The following WWOX variants were observed in gnomAD, a reference collection of about 807,000 sequenced individuals.
WWOX encodes the protein WW domain containing oxidoreductase.
In WWOX, 69 loss-of-function variants were observed where a neutral mutation model predicts 46.2. The observed-to-expected ratio is 1.49, with a 90% CI of 1.23 to 1.82. The LOEUF (loss-of-function observed/expected upper bound fraction) is 1.82, where lower values mean the gene tolerates loss of function less well. Ranked by LOEUF, WWOX falls within the 40% of genes most tolerant of loss-of-function variation. The pLI is 0.00. For missense variants in WWOX, 919 were observed against 542.6 expected (o/e 1.69, Z -6.89); for synonymous variants, 359 against 202.6 (o/e 1.77, Z -6.56).
At chr16:78,826,789 G>GT (rs2051669865) in intron 8 of WWOX, among the ~76,000 whole-genome samples, 1 of 152,100 alleles carries the variant, frequency 6.6e-6, no homozygotes, top group Non-Finnish European at 1.5e-5. Context: ...GAGGTTTGAG[G>GT]GGTGGTATGA....
intron 8 of WWOX, among the ~76,000 whole-genome samples, chr16:79,154,790 C>T (rs2050348921): frequency 6.6e-6 from 1 of 152,112 alleles, no homozygotes; most frequent in South Asian, 2.1e-4. Context: ...TTTTTTAGGT[C>T]CTCATGAACC....
At chr16:78,900,522 T>C (rs1431141354) in intron 8 of WWOX, among the ~76,000 whole-genome samples, 2 of 152,208 alleles carry the variant, frequency 1.3e-5, no homozygotes, top group African/African-American at 4.8e-5. Context: ...CCTATTCACA[T>C]AAGAATTTTC....
intron 8 of WWOX, among the ~76,000 whole-genome samples, chr16:78,816,502 CTTTTTTTTTTTTTTTTTT>C (rs55814418): frequency 2.4e-5 from 1 of 42,066 alleles, no homozygotes; most frequent in Admixed American, 4.4e-4. Flanking sequence ...AGGAGCCACT[CTTTTTTTTTTTTTTTTTT>C]TTTTTTTTTT....
intron 8 of WWOX, among the ~76,000 whole-genome samples, chr16:79,163,744 C>G (rs2050533221): frequency 7.1e-6 from 1 of 141,806 alleles, no homozygotes; most frequent in Non-Finnish European, 1.5e-5. Flanking sequence ...TTGCAGTGAG[C>G]TGAGATCGTG....
At chr16:78,781,540 C>T (rs541816874) in intron 8 of WWOX, among the ~76,000 whole-genome samples, 32 of 152,282 alleles carry the variant, frequency 2.1e-4, no homozygotes, top group African/African-American at 7.5e-4. Flanking sequence ...GGGTTAATAC[C>T]TGTTGCTTTT....
intron 8 of WWOX, among the ~76,000 whole-genome samples, chr16:78,828,935 T>C (rs79654650): frequency 0.065 from 9,857 of 152,272 alleles, 476 homozygotes; most frequent in Non-Finnish European, 0.099. Context: ...TAATCAAAAC[T>C]TATAGAGGTT....
chr16:78,858,080 T>G (rs1341733391), intron 8 of WWOX, among the ~76,000 whole-genome samples: 1 of 151,948 alleles, frequency 6.6e-6, no homozygotes, highest in Non-Finnish European at 1.5e-5. Context: ...TTAAATACTC[T>G]ATAGCAAAAA....
At chr16:78,400,230 G>A (rs2082379556) in intron 6 of WWOX, among the ~76,000 whole-genome samples, 1 of 152,146 alleles carries the variant, frequency 6.6e-6, no homozygotes, top group South Asian at 2.1e-4. Context: ...AAAAACAGGA[G>A]GAAAAGGTCT....
intron 8 of WWOX, among the ~76,000 whole-genome samples, chr16:78,999,238 A>G (rs1015091647): frequency 3.9e-5 from 6 of 152,134 alleles, no homozygotes; most frequent in African/African-American, 1.4e-4. Context: ...TGGGAGGCCA[A>G]TGCAGGCGGA....
intron 8 of WWOX, among the ~76,000 whole-genome samples, chr16:78,573,413 T>C (rs1567654000): frequency 6.6e-6 from 1 of 152,262 alleles, no homozygotes; most frequent in Non-Finnish European, 1.5e-5. Flanking sequence ...TGAGATTTTA[T>C]GTGATGAAAA....
chr16:79,189,611 T>C (rs758984182), intron 8 of WWOX, among the ~76,000 whole-genome samples: 3 of 152,062 alleles, frequency 2.0e-5, no homozygotes, highest in Non-Finnish European at 4.4e-5. Context: ...TAGGAAAGCA[T>C]ATTTTTGAGG....
At chr16:78,390,740 C>A (rs906822146) in intron 6 of WWOX, among the ~76,000 whole-genome samples, 2 of 152,170 alleles carry the variant, frequency 1.3e-5, no homozygotes, top group Admixed American at 1.3e-4. Context: ...ACACATGTAA[C>A]TCTATTCTTA....
chr16:78,408,734 A>G (rs11150076), intron 6 of WWOX, among the ~76,000 whole-genome samples: 41,078 of 152,056 alleles, frequency 0.27, 10,974 homozygotes, highest in African/African-American at 0.69. Context: ...ATTTGCAGAT[A>G]AAGAGCAAGG....
intron 8 of WWOX, among the ~76,000 whole-genome samples, chr16:78,884,165 G>A (rs756391892): frequency 3.3e-5 from 5 of 151,152 alleles, no homozygotes; most frequent in African/African-American, 7.3e-5. Flanking sequence ...CTAGTTACTC[G>A]GGAGGCTGAA....
chr16:78,429,395 C>G (rs1479189595), intron 7 of WWOX, among the ~76,000 whole-genome samples: 1 of 152,162 alleles, frequency 6.6e-6, no homozygotes, highest in Non-Finnish European at 1.5e-5. Flanking sequence ...TTCATTCTCT[C>G]CCTGACTTCC....
At chr16:78,115,296 C>G in intron 4 of WWOX, 142 bp downstream of exon 4, 2 of 1,027,554 alleles carry the variant, frequency 1.9e-6, no homozygotes, top group South Asian at 1.4e-5. Context: ...ATTAACATCA[C>G]TACCTCTTTT....
chr16:78,488,317 A>G (rs2084690397), intron 8 of WWOX, among the ~76,000 whole-genome samples: 1 of 152,112 alleles, frequency 6.6e-6, no homozygotes, highest in African/African-American at 2.4e-5. Context: ...GCAGTGAAAT[A>G]GGCTCAGTGT....
chr16:78,305,051 C>T (rs1391950426), intron 5 of WWOX, among the ~76,000 whole-genome samples: 1 of 151,956 alleles, frequency 6.6e-6, no homozygotes, highest in Admixed American at 6.6e-5. Flanking sequence ...TGATTAAACT[C>T]AGGCACTCAC....
rs117209694 is a variant in WWOX at position 78,432,686 on chromosome 16, C to G, written c.990C>G (p.Asn330Lys). The change falls in exon 8 of 9, where the codon AAC becomes AAG. Residue 330 changes from asparagine (N) to lysine (K), a missense_variant. Transcript: ENST00000566780. ...AVHPGNMMYSNIHRSWWVYTL... is the reference protein window; with the variant it reads ...AVHPGNMMYSKIHRSWWVYTL... ...ATCCTGGAAATATGATGTACTCCAA[C>G]ATTCATCGCAGCTGGTGGGTGTACA... The G allele has an allele frequency of 3.7e-4, 593 of 1,614,206 alleles. 2 individuals are homozygous for G. Among genetic ancestry groups the G allele is most frequent in the Non-Finnish European group, 4.8e-4 (569 of 1,180,032 alleles).
Sources: gnomAD v4.1 joint callset for allele counts (sites outside exome capture counted in the v4.1 genomes callset) on GRCh38, gnomAD v4.1.1 for gene constraint, MANE v1.5 for transcripts, NCBI Gene and HGNC (gene_info 2026-07-23, HGNC 2026-07-21) for gene names.